The following RPS6KA6 variants were observed in gnomAD, a reference collection of about 807,000 sequenced individuals.
RPS6KA6 encodes the protein ribosomal protein S6 kinase alpha-6.
RPS6KA6 carries 27 observed loss-of-function variants against 65.4 expected under a neutral mutation model. The ratio of observed to expected loss-of-function variants is 0.41; its 90% CI spans 0.30 to 0.57. The LOEUF is 0.57. Ranked by LOEUF, RPS6KA6 falls within the 20% of genes least tolerant of loss-of-function variation. The pLI, the probability that RPS6KA6 is intolerant of heterozygous loss-of-function variation, is 0.24. For missense variants in RPS6KA6, 486 were observed against 555.6 expected, an observed-to-expected ratio of 0.87 and a Z score of 1.26; for synonymous variants, 190 against 184.2, an observed-to-expected ratio of 1.03 and a Z score of -0.26.
At chrX:84,156,644 C>T (rs1482012093) in intron 2 of RPS6KA6, among the ~76,000 whole-genome samples, 2 of 111,706 alleles carry the variant, frequency 1.8e-5, no homozygotes, top group Non-Finnish European at 3.8e-5. Flanking sequence ...CAACTAACCA[C>T]ATCAATGAAA....
At chrX:84,144,988 T>C (rs756305352) in intron 6 of RPS6KA6, among the ~76,000 whole-genome samples, 2 of 110,804 alleles carry the variant, frequency 1.8e-5, no homozygotes, top group African/African-American at 6.5e-5. Flanking sequence ...AGAAAGCAGA[T>C]TCAGTAGGGT....
At chrX:84,182,141 T>G (rs1185488717) in intron 1 of RPS6KA6, among the ~76,000 whole-genome samples, 1 of 107,468 alleles carries the variant, frequency 9.3e-6, no homozygotes, top group African/African-American at 3.4e-5. Context: ...GAGATACAGA[T>G]TAAAATCTAG....
At position 84,059,207 on chromosome X, in the gene RPS6KA6, C is replaced by T. The variant is rs1447236047; in HGVS notation, c.*5070G>A. 1 of 100,151 alleles carries T rather than the reference C, an allele frequency of 1.0e-5. No homozygotes were observed. The highest frequency in any genetic ancestry group is 2.0e-5 in the Non-Finnish European group (1 of 50,293). 8.3% of individuals were successfully genotyped at this position (100,151 alleles called of 1,213,427 possible). On this transcript the variant is annotated 3_prime_UTR_variant, in exon 22 of 22. Coordinates refer to ENST00000262752, the MANE Select transcript of RPS6KA6 (RefSeq NM_014496.5). ...GTGAAATTGGCACAATCTCGGCTCA[C>T]CGCAACCTCTGCCTCCCAGGTTCAA...
chrX:84,142,655 A>G (rs957675050), intron 6 of RPS6KA6, among the ~76,000 whole-genome samples: 32 of 111,465 alleles, frequency 2.9e-4, no homozygotes, highest in Non-Finnish European at 5.1e-4. Context: ...CAAAAGTGAG[A>G]GCAGTGACAT....
At chrX:84,156,947 ACT>A (rs1300194794) in intron 2 of RPS6KA6, among the ~76,000 whole-genome samples, 2 of 111,919 alleles carry the variant, frequency 1.8e-5, no homozygotes, top group African/African-American at 6.5e-5. Context: ...ATCTTATCCA[ACT>A]CTCTGACTGT....
At chrX:84,071,005 A>T (rs1216565769) in intron 20 of RPS6KA6, among the ~76,000 whole-genome samples, 1 of 111,706 alleles carries the variant, frequency 9.0e-6, no homozygotes, top group Non-Finnish European at 1.9e-5. Flanking sequence ...AATAGTGGGA[A>T]ACAATCAGGT....
At chrX:84,126,497 C>T (rs1285828304) in intron 8 of RPS6KA6, among the ~76,000 whole-genome samples, 2 of 111,401 alleles carry the variant, frequency 1.8e-5, no homozygotes, top group Non-Finnish European at 3.8e-5. Flanking sequence ...AAAAAGTGGA[C>T]CTAATAGATA....
At chrX:84,154,968 C>A (rs1490443952) in intron 3 of RPS6KA6, among the ~76,000 whole-genome samples, 1 of 111,381 alleles carries the variant, frequency 9.0e-6, no homozygotes, top group Non-Finnish European at 1.9e-5. Flanking sequence ...GGGAGGCTAA[C>A]GTGGGAAGAT....
intron 1 of RPS6KA6, among the ~76,000 whole-genome samples, chrX:84,179,571 T>C (rs1023242593): frequency 2.7e-5 from 3 of 111,841 alleles, no homozygotes; most frequent in African/African-American, 9.7e-5. Context: ...ATTAATATTG[T>C]TCATAGATAT....
rs1340033930 is a variant in RPS6KA6 at position 84,134,912 on chromosome X, CTATT to C, written c.609-97_609-94del. Reference sequence around the variant, plus strand: ...TCATAAAACTAAGATAGGTCAGTATCTATTTAATATATGTAAAAAATTTAAATGA... The same window carrying C: ...TCATAAAACTAAGATAGGTCAGTATCTAATATATGTAAAAAATTTAAATGA... On this transcript the variant is annotated intron_variant, in intron 7 of 21. Transcript: ENST00000262752. The C allele has an allele frequency of 6.6e-5, 43 of 656,393 alleles. No individual in the cohort carries two copies. In the South Asian group the frequency reaches 9.7e-4, roughly 15 times the overall value. The allele number at this position is 656,393 out of a possible 1,213,427, so 54.1% of individuals were successfully genotyped here.
chrX:84,082,030 C>T (rs1174822781), intron 20 of RPS6KA6, among the ~76,000 whole-genome samples: 1 of 111,723 alleles, frequency 9.0e-6, no homozygotes, highest in Non-Finnish European at 1.9e-5. Flanking sequence ...CTTTGAAAAC[C>T]GGCACAAGAC....
intron 2 of RPS6KA6, among the ~76,000 whole-genome samples, chrX:84,156,487 A>G (rs1255213681): frequency 9.0e-6 from 1 of 111,508 alleles, no homozygotes; most frequent in Non-Finnish European, 1.9e-5. Context: ...AACAGTCTCA[A>G]GACCCTTCAA....
rs768602159 is a variant in RPS6KA6 at position 84,147,056 on chromosome X, G to A, written c.343C>T (p.Arg115Ter). Reference sequence around the variant, plus strand: ...TCCATCTTTGTCCGAACTCTGTCTCGAACTAAAAATTACATAAAGGTACAA... The same window carrying A: ...TCCATCTTTGTCCGAACTCTGTCTCAAACTAAAAATTACATAAAGGTACAA... ...KVLKKASLKV[R>*]DRVRTKMERD... The change falls in exon 5 of 22, where the codon CGA becomes TGA. Residue 115 changes from arginine to a stop codon, truncating the protein, a stop_gained and splice_region_variant. Coordinates refer to ENST00000262752, the MANE Select transcript of RPS6KA6 (RefSeq NM_014496.5). LOFTEE classifies it high-confidence loss of function. 1.8e-6 allele frequency: 2 copies of A among 1,130,790 alleles called. No individual in the cohort carries two copies. Among genetic ancestry groups the A allele is most frequent in the Admixed American group, 2.3e-5 (1 of 44,029 alleles). 93.2% of individuals were successfully genotyped at this position (1,130,790 alleles called of 1,213,427 possible).
At chrX:84,182,969 A>T (rs2032065592) in intron 1 of RPS6KA6, among the ~76,000 whole-genome samples, 2 of 112,490 alleles carry the variant, frequency 1.8e-5, no homozygotes. Context: ...AAAAAGAATT[A>T]AAAATGTTTT....
intron 20 of RPS6KA6, among the ~76,000 whole-genome samples, chrX:84,081,170 A>C (rs1289666447): frequency 2.7e-5 from 3 of 112,016 alleles, no homozygotes; most frequent in African/African-American, 9.7e-5. Context: ...TCAAAAAATC[A>C]ATGAATCCAG....
rs777630734 is a variant in RPS6KA6 at position 84,064,301 on chromosome X, T to C, written c.2214A>G (p.Lys738=). The part of the protein sequence containing the change: ...ASSLAQRRSM[K]KRTSTGL ...CTTACAGGCCAGTTGATGTTCGCTT[T>C]TTCATGCTCCGTCGCTGGGCTAAGC... is the stretch of plus-strand genomic sequence containing the variant. The change falls in exon 22 of 22, where the codon AAA becomes AAG. Residue 738 remains lysine, a synonymous_variant. Coordinates refer to ENST00000262752, the MANE Select transcript of RPS6KA6 (RefSeq NM_014496.5). The C allele has an allele frequency of 8.3e-7, 1 of 1,209,021 alleles. No homozygotes were observed. The highest frequency in any genetic ancestry group is 3.0e-5 in the East Asian group (1 of 33,764).
chrX:84,148,054 C>CT lies in RPS6KA6; in HGVS notation c.327dup (p.Ala110SerfsTer36), dbSNP rs756096568. On this transcript the variant is annotated frameshift_variant, in exon 4 of 22. Transcript: ENST00000262752. LOFTEE classifies it high-confidence loss of function. ...TCTAATTTTCTACCTTTTAAAGAGG[C>CT]TTTTTTTAACACCTTCATTGCATAG... 4.3e-6 allele frequency: 5 copies of CT among 1,154,980 alleles called. No homozygotes were observed. The highest frequency in any genetic ancestry group is 4.7e-6 in the Non-Finnish European group (4 of 859,890).
chrX:84,181,050 T>C (rs2035844616), intron 1 of RPS6KA6, among the ~76,000 whole-genome samples: 1 of 111,818 alleles, frequency 8.9e-6, no homozygotes, highest in Admixed American at 9.5e-5. Flanking sequence ...CTTTCTCCCT[T>C]AAGATTCGAT....
intron 1 of RPS6KA6, chrX:84,186,117 A>G (rs2035925204): frequency 3.9e-6 from 2 of 511,355 alleles, no homozygotes; most frequent in Non-Finnish European, 7.0e-6. Context: ...GTATTTTTCC[A>G]AATTGCTGAG....
Sources: allele counts gnomAD v4.1 joint callset (sites outside exome capture counted in the v4.1 genomes callset), GRCh38; gene constraint gnomAD v4.1.1; transcripts MANE v1.5; gene names NCBI Gene and HGNC (gene_info 2026-07-23, HGNC 2026-07-21).